The following C1QTNF3 variants were observed in gnomAD, a reference collection of about 807,000 sequenced individuals.
C1QTNF3 encodes complement C1q tumor necrosis factor-related protein 3.
C1QTNF3 carries 26 observed loss-of-function variants against 32.6 expected under a neutral mutation model. The observed-to-expected ratio is 0.80, with a 90% CI of 0.58 to 1.11. The LOEUF (loss-of-function observed/expected upper bound fraction) is 1.11, where lower values mean the gene tolerates loss of function less well. C1QTNF3 is among the 50% of genes least tolerant of loss of function. The pLI is 0.00. For missense variants in C1QTNF3, 362 were observed against 398.2 expected (o/e 0.91, Z 0.77); for synonymous variants, 155 against 146.0 (o/e 1.06, Z -0.44).
the C1QTNF3 span, among the ~76,000 whole-genome samples, chr5:34,207,049 A>C: frequency 2.0e-5 from 3 of 152,098 alleles, no homozygotes; most frequent in Non-Finnish European, 2.9e-5. Context: ...GTCTCTCTTT[A>C]TTGAGCTAAT....
At chr5:34,095,046 A>C in the C1QTNF3 span, among the ~76,000 whole-genome samples, 1 of 152,010 alleles carries the variant, frequency 6.6e-6, no homozygotes, top group Non-Finnish European at 1.5e-5. Context: ...TGATCAAGTC[A>C]AGGTATTTAG....
the C1QTNF3 span, among the ~76,000 whole-genome samples, chr5:34,144,458 C>T: frequency 6.6e-6 from 1 of 152,166 alleles, no homozygotes; most frequent in Admixed American, 6.5e-5. Context: ...AACACTCCAC[C>T]CAGCAACCAC....
At chr5:34,211,554 A>G in the C1QTNF3 span, among the ~76,000 whole-genome samples, 2 of 90,628 alleles carry the variant, frequency 2.2e-5, no homozygotes, top group Non-Finnish European at 4.0e-5. Flanking sequence ...CCCCCACCCC[A>G]TAACAGTCCC....
the C1QTNF3 span, chr5:34,164,645 G>T: frequency 6.6e-6 from 1 of 151,812 alleles, no homozygotes; most frequent in Non-Finnish European, 1.5e-5. Flanking sequence ...AAAAAGCAAG[G>T]AGTGCTCAAG....
the C1QTNF3 span, among the ~76,000 whole-genome samples, chr5:34,089,942 G>T: frequency 6.6e-6 from 1 of 152,148 alleles, no homozygotes; most frequent in Admixed American, 6.6e-5. Context: ...CAGTTATGAC[G>T]GAGCTGCATA....
At chr5:34,238,978 G>C in the C1QTNF3 span, among the ~76,000 whole-genome samples, 1 of 152,318 alleles carries the variant, frequency 6.6e-6, no homozygotes, top group Admixed American at 6.5e-5. Context: ...AAGAGATTAA[G>C]AGCCTATGTC....
chr5:34,079,829 A>G, the C1QTNF3 span, among the ~76,000 whole-genome samples: 1 of 151,760 alleles, frequency 6.6e-6, no homozygotes, highest in South Asian at 2.1e-4. Context: ...AAACAAGATG[A>G]ATAAGTCCTA....
the C1QTNF3 span, among the ~76,000 whole-genome samples, chr5:34,227,415 T>C: frequency 1.3e-5 from 2 of 152,030 alleles, no homozygotes; most frequent in Non-Finnish European, 2.9e-5. Flanking sequence ...TTATAATAGA[T>C]GCATATATAT....
the C1QTNF3 span, among the ~76,000 whole-genome samples, chr5:34,120,809 C>T: frequency 2.0e-5 from 3 of 152,134 alleles, no homozygotes; most frequent in South Asian, 4.1e-4. Flanking sequence ...TTGTAAATTG[C>T]CCAGTTTCAG....
At chr5:34,034,749 G>A (rs1754695117) in intron 2 of C1QTNF3, among the ~76,000 whole-genome samples, 1 of 152,296 alleles carries the variant, frequency 6.6e-6, no homozygotes, top group South Asian at 2.1e-4. Context: ...GGTCGAAGTA[G>A]GCCCTACCCC....
the C1QTNF3 span, among the ~76,000 whole-genome samples, chr5:34,172,269 AATAAAAATG>A: frequency 6.6e-6 from 1 of 152,178 alleles, no homozygotes; most frequent in South Asian, 2.1e-4. Flanking sequence ...AACTAACAAC[AATAAAAATG>A]ATAAAATAGA....
the C1QTNF3 span, among the ~76,000 whole-genome samples, chr5:34,143,859 A>G: frequency 1.3e-5 from 2 of 152,196 alleles, no homozygotes; most frequent in Non-Finnish European, 2.9e-5. Flanking sequence ...GACACTGTAA[A>G]GCAACTACAT....
the C1QTNF3 span, among the ~76,000 whole-genome samples, chr5:34,223,560 C>G: frequency 1.2e-4 from 18 of 151,102 alleles, no homozygotes; most frequent in East Asian, 5.9e-4. Flanking sequence ...GGGTCAAATG[C>G]TATTTCTAGT....
the C1QTNF3 span, among the ~76,000 whole-genome samples, chr5:34,115,538 G>C: frequency 2.6e-5 from 4 of 152,044 alleles, no homozygotes; most frequent in African/African-American, 9.7e-5. Context: ...AGACCATCCT[G>C]GCTAACACGG....
At chr5:34,060,767 A>AATT in the C1QTNF3 span, among the ~76,000 whole-genome samples, 1 of 152,154 alleles carries the variant, frequency 6.6e-6, no homozygotes, top group Middle Eastern at 3.2e-3. Flanking sequence ...TCCATAATTC[A>AATT]ATTACCTCCC....
At chr5:34,158,596 A>G in the C1QTNF3 span, 1 of 152,046 alleles carries the variant, frequency 6.6e-6, no homozygotes, top group Non-Finnish European at 1.5e-5. Context: ...TCATATAATA[A>G]TTATGTAGTT....
At chr5:34,090,272 T>TACCAGAAAGA in the C1QTNF3 span, among the ~76,000 whole-genome samples, 1 of 147,844 alleles carries the variant, frequency 6.8e-6, no homozygotes, top group African/African-American at 2.5e-5. Flanking sequence ...TCTTCTTAGA[T>TACCAGAAAGA]ACCAGAAAGA....
At chr5:34,124,886 A>G in the C1QTNF3 span, among the ~76,000 whole-genome samples, 2 of 152,190 alleles carry the variant, frequency 1.3e-5, no homozygotes, top group Non-Finnish European at 2.9e-5. Context: ...ATGATTCCTA[A>G]AAATGGGTTT....
chr5:34,136,523 G>A, the C1QTNF3 span, among the ~76,000 whole-genome samples: 1 of 152,250 alleles, frequency 6.6e-6, no homozygotes, highest in Non-Finnish European at 1.5e-5. Context: ...AGGATGTGGA[G>A]AAATAGGAAC....
Sources: gnomAD v4.1 joint callset for allele counts (sites outside exome capture counted in the v4.1 genomes callset) on GRCh38, gnomAD v4.1.1 for gene constraint, MANE v1.5 for transcripts, NCBI Gene and HGNC (gene_info 2026-07-23, HGNC 2026-07-21) for gene names.